The following ZEB2 variants were observed in gnomAD, a reference collection of about 807,000 sequenced individuals.
The protein encoded by ZEB2 is zinc finger E-box binding homeobox 2, also known as zinc finger E-box-binding homeobox 2.
Under a neutral mutation model 99.9 loss-of-function variants are expected in ZEB2, and 6 were observed. The observed-to-expected ratio is 0.06, with a 90% CI of 0.03 to 0.12. The LOEUF is 0.12. ZEB2 is among the 10% of genes least tolerant of loss of function. The pLI is 1.00. For missense variants in ZEB2, 969 were observed against 1,502.8 expected, an observed-to-expected ratio of 0.64 and a Z score of 5.87; for synonymous variants, 517 against 542.5, an observed-to-expected ratio of 0.95 and a Z score of 0.65.
intron 2 of ZEB2, chr2:144,507,349 G>A (rs1005015244): frequency 1.3e-5 from 2 of 152,138 alleles, no homozygotes; most frequent in East Asian, 1.9e-4. Context: ...TTATAGCAGC[G>A]TTAAAAAGAA....
At chr2:144,517,892 A>T in intron 1 of ZEB2, 1 of 445,400 alleles carries the variant, frequency 2.2e-6, no homozygotes, top group Non-Finnish European at 4.0e-6. Context: ...CCCCTGGATG[A>T]AGCACACTCG....
intron 3 of ZEB2, 117 bp downstream of exon 3, chr2:144,429,652 G>A: frequency 6.6e-7 from 1 of 1,516,656 alleles, no homozygotes; most frequent in Non-Finnish European, 9.1e-7. Flanking sequence ...ATTCTGCAAG[G>A]GCTCAATGGA....
intron 2 of ZEB2, among the ~76,000 whole-genome samples, chr2:144,472,447 G>A (rs12052925): frequency 6.6e-6 from 1 of 151,978 alleles, no homozygotes; most frequent in African/African-American, 2.4e-5. Flanking sequence ...ATTGAAGCGG[G>A]GTGTGATTGG....
Position 144,399,210 on chromosome 2 carries a change from G to A in ZEB2, c.1977C>T (p.Leu659=). Residue 659 remains leucine, a synonymous_variant, in exon 8 of 10, where the codon CTC becomes CTT. Coordinates refer to ENST00000627532, the MANE Select transcript of ZEB2 (RefSeq NM_014795.4). This position sits in a 1 kb window ranked among gnomAD's most constrained non-coding sequence, Gnocchi z 5.6. The part of the protein sequence containing the change: ...INPYKDHMSV[L]KAYYAMNMEP... Reference sequence around the variant, plus strand: ...CCATGTTCATAGCATAGTATGCTTTGAGTACAGACATGTGGTCCTTGTATG... The same window carrying A: ...CCATGTTCATAGCATAGTATGCTTTAAGTACAGACATGTGGTCCTTGTATG... 6.2e-7 allele frequency: 1 copy of A among 1,614,164 alleles called. No individual in the cohort carries two copies. The highest frequency in any genetic ancestry group is 8.5e-7 in the Non-Finnish European group (1 of 1,180,018).
chr2:144,387,125 T>G lies in ZEB2; in HGVS notation c.*2326A>C, dbSNP rs1280611808. The G allele has an allele frequency of 6.6e-6, 1 of 151,136 alleles. No homozygotes were observed. The highest frequency in any genetic ancestry group is 1.5e-5 in the Non-Finnish European group (1 of 67,794). The allele number at this position is 151,136 out of a possible 1,614,324, so 9.4% of individuals were successfully genotyped here. A position where few individuals can be genotyped will look rare whatever the true frequency, so the allele number is the denominator to read the frequency against. On this transcript the variant is annotated 3_prime_UTR_variant, in exon 10 of 10. Coordinates refer to ENST00000627532, the MANE Select transcript of ZEB2 (RefSeq NM_014795.4). ...GTTGCAAAGAATGACTTTTGTGAAA[T>G]TTAGGAAAGTGGTATTATGGCTAAG...
At chr2:144,418,545 G>A (rs1262904470) in intron 4 of ZEB2, among the ~76,000 whole-genome samples, 9 of 151,850 alleles carry the variant, frequency 5.9e-5, no homozygotes, top group South Asian at 2.1e-4. Flanking sequence ...AAAATTAGCC[G>A]GGCGTGGTGG....
intron 9 of ZEB2, among the ~76,000 whole-genome samples, chr2:144,395,054 G>A (rs998861573): frequency 5.5e-5 from 8 of 144,510 alleles, no homozygotes; most frequent in African/African-American, 2.1e-4. Context: ...GAGGTGCAGT[G>A]GCACAATCAT....
At chr2:144,513,965 T>G in intron 2 of ZEB2, 1 of 1,351,200 alleles carries the variant, frequency 7.4e-7, no homozygotes, top group South Asian at 1.5e-5. Context: ...GGCAACTCGC[T>G]TTTTGCCTCC....
At chr2:144,400,552 CAG>C (rs1049766518) in intron 7 of ZEB2, among the ~76,000 whole-genome samples, 2 of 152,176 alleles carry the variant, frequency 1.3e-5, no homozygotes, top group Admixed American at 6.5e-5. Context: ...CCTATTTAAA[CAG>C]AGTGTCAGAC....
chr2:144,413,591 A>T (rs989367556), intron 4 of ZEB2, among the ~76,000 whole-genome samples: 3 of 152,252 alleles, frequency 2.0e-5, no homozygotes, highest in Admixed American at 6.5e-5. Flanking sequence ...GAAATTAAAA[A>T]ATAATGACTT....
intron 2 of ZEB2, among the ~76,000 whole-genome samples, chr2:144,492,621 T>C (rs944289619): frequency 6.6e-6 from 1 of 152,148 alleles, no homozygotes; most frequent in Admixed American, 6.5e-5. Flanking sequence ...CCACACTGCC[T>C]CTCTGCCTCC....
At chr2:144,517,850 G>A (rs1277828224) in intron 1 of ZEB2, 1 of 521,308 alleles carries the variant, frequency 1.9e-6, no homozygotes, top group African/African-American at 2.6e-5. Flanking sequence ...CCAATTCCCA[G>A]AGGAAACAAA....
At position 144,399,772 on chromosome 2, in the gene ZEB2, G is replaced by T; in HGVS notation, c.1415C>A (p.Ser472Tyr). 1 of 1,613,004 alleles carries T rather than the reference G, an allele frequency of 6.2e-7. No individual in the cohort carries two copies. Among genetic ancestry groups the T allele is most frequent in the Non-Finnish European group, 8.5e-7 (1 of 1,179,708 alleles). ...AGCCTTGCAGTCCATTTTTTGCCTG[G>T]AAACAGTATTGTCCACAATCTGTAG... ...KVLQIVDNTV[S>Y]RQKMDCKAEE... The change falls in exon 8 of 10, where the codon TCC becomes TAC. Residue 472 changes from serine to tyrosine, a missense_variant. Transcript: ENST00000627532. This position sits in a 1 kb window ranked among gnomAD's most constrained non-coding sequence, Gnocchi z 5.6.
rs1703053993 is a variant in ZEB2, at chr2:144,384,439, C to T, written c.*5012G>A. The T allele has an allele frequency of 6.6e-6, 1 of 151,882 alleles. No homozygotes were observed. The highest frequency in any genetic ancestry group is 2.1e-4 in the South Asian group (1 of 4,820). 9.4% of individuals were successfully genotyped at this position (151,882 alleles called of 1,614,324 possible). ...TCATCTTCAACCCTGAAACAGAGGC[C>T]CTCTGAAACATCAGACCCAAAAAAT... On this transcript the variant is annotated 3_prime_UTR_variant, in exon 10 of 10. Transcript: ENST00000627532.
Position 144,468,871 on chromosome 2 carries a change from C to T in ZEB2, c.74-38845G>A, listed in dbSNP as rs1337309477. Among the ~76,000 whole-genome samples the T allele has an allele frequency of 3.3e-5, 5 of 152,076 alleles. 1 individual carries two copies. Among genetic ancestry groups the T allele is most frequent in the African/African-American group, 1.2e-4 (5 of 41,424 alleles). The stretch of plus-strand genomic sequence containing the variant: ...TTTTTTAAGGCCAGCTCAAGCATGT[C>T]CTTTCTGACCTGTTCAGGGAGGGAA... On this transcript the variant is annotated intron_variant, in intron 2 of 9. Coordinates refer to ENST00000627532, the MANE Select transcript of ZEB2 (RefSeq NM_014795.4).
rs747216079 is a variant in ZEB2 at position 144,401,215 on chromosome 2, G to A, written c.900C>T (p.His300=). 9 of 1,613,934 alleles carry A rather than the reference G, an allele frequency of 5.6e-6. No homozygotes were observed. Among genetic ancestry groups the A allele is most frequent in the Non-Finnish European group, 7.6e-6 (9 of 1,179,952 alleles). The change falls in exon 7 of 10, where the codon CAC becomes CAT. Residue 300 remains histidine (H), a synonymous_variant. Coordinates refer to ENST00000627532, the MANE Select transcript of ZEB2 (RefSeq NM_014795.4). The part of the protein sequence containing the change: ...AFKYKHHLKE[H]LRIHSGEKPY... Reference sequence around the variant, plus strand: ...GCTACTCACCACTGTGAATTCGCAGGTGTTCTTTCAGATGGTGTTTATATT... The same window carrying A: ...GCTACTCACCACTGTGAATTCGCAGATGTTCTTTCAGATGGTGTTTATATT...
chr2:144,493,240 AG>A (rs1053604610), intron 2 of ZEB2, among the ~76,000 whole-genome samples: 1 of 152,174 alleles, frequency 6.6e-6, no homozygotes, highest in African/African-American at 2.4e-5. Flanking sequence ...CAGAAACTGA[AG>A]TGCCTCCATC....
intron 4 of ZEB2, among the ~76,000 whole-genome samples, chr2:144,423,914 CAT>C (rs947842844): frequency 6.0e-4 from 90 of 149,478 alleles, no homozygotes; most frequent in African/African-American, 2.2e-3. Flanking sequence ...GAAGTAGTTA[CAT>C]TTTTTTTTTG....
At chr2:144,492,184 G>A (rs551523689) in intron 2 of ZEB2, among the ~76,000 whole-genome samples, 21 of 152,258 alleles carry the variant, frequency 1.4e-4, no homozygotes, top group African/African-American at 2.9e-4. Flanking sequence ...CAGATTAAGC[G>A]GAAAATAGCT....
Sources: allele counts gnomAD v4.1 joint callset (sites outside exome capture counted in the v4.1 genomes callset), GRCh38; gene constraint gnomAD v4.1.1; non-coding constraint Gnocchi (gnomAD v3.1); transcripts MANE v1.5; gene names NCBI Gene and HGNC (gene_info 2026-07-23, HGNC 2026-07-21).